TMEM176A: variants seen among roughly 807,000 people sequenced by gnomAD.
TMEM176A encodes hepatocellular carcinoma-associated antigen 112.
A neutral mutation model predicts 27.9 loss-of-function variants in TMEM176A; 20 were observed. The observed-to-expected ratio is 0.72, with a 90% CI of 0.50 to 1.04. The LOEUF (loss-of-function observed/expected upper bound fraction) is 1.04, where lower values mean the gene tolerates loss of function less well. Among genes scored for constraint, TMEM176A ranks in the 50% least tolerant of loss-of-function variants. The pLI is 0.00. For synonymous variants in TMEM176A, 125 were observed against 118.0 expected, an observed-to-expected ratio of 1.06 and a Z score of -0.38; for missense variants, 252 against 289.1, an observed-to-expected ratio of 0.87 and a Z score of 0.93.
chr7:150,802,658 T>G lies in TMEM176A; in HGVS notation c.285+333T>G, dbSNP rs574650491. ...GATGGGGAAGGCAGAGCGTTCCAGA[T>G]AGTATGTGGTCCCCCAGGAAGCATC... is the stretch of plus-strand genomic sequence containing the variant. On this transcript the variant is annotated intron_variant, in intron 3 of 6. Coordinates refer to ENST00000004103, the MANE Select transcript of TMEM176A (RefSeq NM_018487.3). 4.8e-6 allele frequency: 5 copies of G among 1,038,960 alleles called. No homozygotes were observed. In the African/African-American group the frequency reaches 6.6e-5, roughly 14 times the overall value. 64.4% of individuals were successfully genotyped at this position (1,038,960 alleles called of 1,614,324 possible). A position where few individuals can be genotyped will look rare whatever the true frequency, so the allele number is the denominator to read the frequency against.
chr7:150,802,213 A>G lies in TMEM176A; in HGVS notation c.175-2A>G, dbSNP rs113963265. ...CGGGATCTTGGGTCCTTTGTCTTTCAGGTGATGCAGATCGTGCTGGGGATC... is the reference window on the plus strand; with the variant it reads ...CGGGATCTTGGGTCCTTTGTCTTTCGGGTGATGCAGATCGTGCTGGGGATC... On this transcript the variant is annotated splice_acceptor_variant, in intron 2 of 6. Coordinates refer to ENST00000004103, the MANE Select transcript of TMEM176A (RefSeq NM_018487.3). LOFTEE classifies it high-confidence loss of function. 6.2e-7 allele frequency: 1 copy of G among 1,613,578 alleles called. No individual in the cohort carries two copies. Among genetic ancestry groups the G allele is most frequent in the South Asian group, 1.1e-5 (1 of 91,062 alleles).
In TMEM176A at chr7:150,800,839, A is replaced by G. The variant is rs55775933; in HGVS notation, c.-16+11A>G. 180,263 of 842,784 alleles carry G rather than the reference A, an allele frequency of 0.21. 20,019 individuals carry two copies. The highest frequency in any genetic ancestry group is 0.27 in the Middle Eastern group (434 of 1,622). 52.2% of individuals were successfully genotyped at this position (842,784 alleles called of 1,614,324 possible). On this transcript the variant is annotated intron_variant, in intron 1 of 6. Transcript: ENST00000004103. ...TCCCGAGGAGCGCAGGTGAGGCGGC[A>G]CCCCACTCCCGGCGGCCCCCGGGCC...
chr7:150,803,406 C>A lies in TMEM176A; in HGVS notation c.292C>A (p.Leu98Met). ...AAIWTGAVAV[L>M]AGAAAFIYEK... is the part of the protein sequence containing the mutation. ...TGGCTCAATCTCTCCCCAGGCTGTG[C>A]TGGCTGGAGCTGCTGCCTTCATTTA... Residue 98 changes from leucine (L) to methionine (M), a missense_variant, in exon 4 of 7, where the codon CTG (leucine) becomes ATG (methionine). By Grantham distance (15) the Leu-to-Met change is conservative. Transcript: ENST00000004103. 1 of 1,584,846 alleles carries A rather than the reference C, an allele frequency of 6.3e-7. No homozygotes were observed.
rs532698316 is a variant in TMEM176A, at chr7:150,803,965, G to T, written c.555+133G>T. The T allele has an allele frequency of 6.4e-6, 5 of 780,384 alleles. No homozygotes were observed. The South Asian group carries it at 9.1e-5, about 14-fold the overall frequency. The allele number at this position is 780,384 out of a possible 1,614,324, so 48.3% of individuals were successfully genotyped here. A position where few individuals can be genotyped will look rare whatever the true frequency, so the allele number is the denominator to read the frequency against. On this transcript the variant is annotated intron_variant, in intron 5 of 6. Coordinates refer to ENST00000004103, the MANE Select transcript of TMEM176A (RefSeq NM_018487.3). Reference sequence around the variant, plus strand: ...ACCAAGCTTGCGTATTGTCACCAAAGACAAAGCATCAGACAAAATAGAAAT... The same window carrying T: ...ACCAAGCTTGCGTATTGTCACCAAATACAAAGCATCAGACAAAATAGAAAT...
chr7:150,803,667 C>T lies in TMEM176A; in HGVS notation c.390C>T (p.Ile130=), dbSNP rs867362308. 8.7e-6 allele frequency: 14 copies of T among 1,614,014 alleles called. No homozygotes were observed. The highest frequency in any genetic ancestry group is 2.7e-5 in the African/African-American group (2 of 74,918). The stretch of plus-strand genomic sequence containing the variant: ...CGCTGGCAGCTTTCTCCACAGCCAT[C>T]GCTGCCCTCAAACTTTGGAATGAAG... ...LLTLAAFSTA[I]AALKLWNEDF... The change falls in exon 5 of 7, where the codon ATC becomes ATT. Residue 130 remains isoleucine, a synonymous_variant. Transcript: ENST00000004103.
chr7:150,802,079 C>T, intron 2 of TMEM176A, 136 bp from the exon 3 acceptor site: 2 of 629,640 alleles, frequency 3.2e-6, no homozygotes, highest in South Asian at 2.1e-5. Context: ...TTCTCCTTTT[C>T]TCTTCTCTTC....
rs1798893766 is a variant in TMEM176A, at chr7:150,805,047, C to T, written c.*179C>T. 1.5e-6 allele frequency: 1 copy of T among 646,918 alleles called. No individual in the cohort carries two copies. Among genetic ancestry groups the T allele is most frequent in the Non-Finnish European group, 2.8e-6 (1 of 362,480 alleles). The allele number at this position is 646,918 out of a possible 1,614,324, so 40.1% of individuals were successfully genotyped here. A position where few individuals can be genotyped will look rare whatever the true frequency, so the allele number is the denominator to read the frequency against. On this transcript the variant is annotated 3_prime_UTR_variant, in exon 7 of 7. Transcript: ENST00000004103. ...CACTTGCCCATTCCTTACACCCCTTCCCCATCCTGCTCCGCTTCATGTCCC... is the reference window on the plus strand; with the variant it reads ...CACTTGCCCATTCCTTACACCCCTTTCCCATCCTGCTCCGCTTCATGTCCC...
rs866433165 is a variant in TMEM176A at position 150,801,710 on chromosome 7, C to T, written c.160C>T (p.Leu54=). 1.3e-6 allele frequency: 2 copies of T among 1,544,464 alleles called. No homozygotes were observed. Among genetic ancestry groups the T allele is most frequent in the Middle Eastern group, 4.0e-4 (2 of 5,028 alleles). Residue 54 remains leucine (L), a synonymous_variant, in exon 2 of 7, where the codon CTG becomes TTG. Transcript: ENST00000004103. ...ATQARGSSRL[L]VASWVMQIVL... ...CCAGGCCAGGGGCAGCAGCCGGCTGCTGGTGGCCTCGTGGGTGAGTGTGAC... is the reference window on the plus strand; with the variant it reads ...CCAGGCCAGGGGCAGCAGCCGGCTGTTGGTGGCCTCGTGGGTGAGTGTGAC...
chr7:150,804,511 T>C (rs200063412), intron 6 of TMEM176A, 39 bp downstream of exon 6: 1 of 1,546,896 alleles, frequency 6.5e-7, no homozygotes, highest in Non-Finnish European at 8.9e-7. Context: ...TTTGGGGCAG[T>C]GGAACTGCTC....
rs760373696 is a variant in TMEM176A, at chr7:150,803,840, G to T, written c.555+8G>T. On this transcript the variant is annotated splice_region_variant and intron_variant, in intron 5 of 6. Transcript: ENST00000004103. The stretch of plus-strand genomic sequence containing the variant: ...TTCATGGACATGCTGAAGGTAGGTG[G>T]CCAAGGGGAAGGGGCAGCAGCAGGT... The T allele has an allele frequency of 6.2e-7, 1 of 1,613,094 alleles. No homozygotes were observed. Among genetic ancestry groups the T allele is most frequent in the East Asian group, 2.2e-5 (1 of 44,878 alleles).
chr7:150,804,702 G>A, intron 6 of TMEM176A, 125 bp from the exon 7 acceptor site: 1 of 1,079,332 alleles, frequency 9.3e-7, no homozygotes, highest in Non-Finnish European at 1.4e-6. Context: ...CCATATCCAT[G>A]CTATGCCTTT....
Position 150,802,297 on chromosome 7 carries a change from C to G in TMEM176A, c.257C>G (p.Ser86Trp), listed in dbSNP as rs750535260. Residue 86 changes from serine (S) to tryptophan (W), a missense_variant, in exon 3 of 7, where the codon TCG becomes TGG. Coordinates refer to ENST00000004103, the MANE Select transcript of TMEM176A (RefSeq NM_018487.3). Reference protein sequence around the residue: ...YIRDYTLLVTSGAAIWTGAVA... With the variant: ...YIRDYTLLVTWGAAIWTGAVA... The stretch of plus-strand genomic sequence containing the variant: ...CGCGACTACACCCTCCTCGTCACCT[C>G]GGGAGCTGCCATCTGGACAGGGGCT... 3.1e-6 allele frequency: 5 copies of G among 1,613,940 alleles called. No individual in the cohort carries two copies. The highest frequency in any genetic ancestry group is 4.5e-5 in the East Asian group (2 of 44,872).
chr7:150,801,382 C>A (rs2116730126), intron 1 of TMEM176A, 154 bp from the exon 2 acceptor site: 2 of 684,676 alleles, frequency 2.9e-6, no homozygotes, highest in East Asian at 5.8e-5. Flanking sequence ...TACACACATT[C>A]CCCTCGTGAG....
At chr7:150,800,951 G>A (rs1346610493) in intron 1 of TMEM176A, 123 bp downstream of exon 1, 3 of 985,962 alleles carry the variant, frequency 3.0e-6, no homozygotes, top group East Asian at 2.3e-4. Context: ...CCAGGAAGGG[G>A]ACTGCAGAGG....
intron 3 of TMEM176A, chr7:150,802,830 C>T (rs1399604558): frequency 5.1e-6 from 5 of 988,976 alleles, no homozygotes; most frequent in Non-Finnish European, 4.8e-6. Context: ...CACTAAAACA[C>T]TCATATTTAC....
chr7:150,802,369 G>T, intron 3 of TMEM176A, 44 bp downstream of exon 3: 1 of 1,538,204 alleles, frequency 6.5e-7, no homozygotes, highest in East Asian at 2.3e-5. Flanking sequence ...GAGAGGGGTG[G>T]GGCATTGCTC....
chr7:150,804,483 A>G lies in TMEM176A; in HGVS notation c.666+11A>G. Reference sequence around the variant, plus strand: ...TTCCCAACCAAAGGGGTGAGTCCCTAAGGTGTGTGCCTGTGTATTTGGGGC... The same window carrying G: ...TTCCCAACCAAAGGGGTGAGTCCCTGAGGTGTGTGCCTGTGTATTTGGGGC... On this transcript the variant is annotated intron_variant, in intron 6 of 6. Transcript: ENST00000004103. The G allele has an allele frequency of 6.2e-7, 1 of 1,603,648 alleles. No homozygotes were observed.
Position 150,804,950 on chromosome 7 carries a change from G to C in TMEM176A, c.*82G>C. On this transcript the variant is annotated 3_prime_UTR_variant, in exon 7 of 7. Transcript: ENST00000004103. ...TGACTGCTGGAAGAAGAACCAGACT[G>C]AGGAAAAGAGGCTCTTCAACAGCCC... 6.8e-7 allele frequency: 1 copy of C among 1,461,604 alleles called. No individual in the cohort carries two copies. The highest frequency in any genetic ancestry group is 9.6e-7 in the Non-Finnish European group (1 of 1,042,372). The allele number at this position is 1,461,604 out of a possible 1,614,324, so 90.5% of individuals were successfully genotyped here.
chr7:150,802,577 C>A, intron 3 of TMEM176A: 1 of 777,780 alleles, frequency 1.3e-6, no homozygotes, highest in Non-Finnish European at 1.9e-6. Context: ...CTGCCTTCAA[C>A]AGTTAATGTC....
Sources: allele counts gnomAD v4.1 joint callset, GRCh38; gene constraint gnomAD v4.1.1; transcripts MANE v1.5; gene names NCBI Gene and HGNC (gene_info 2026-07-23, HGNC 2026-07-21).